TRPM3: variants seen among roughly 807,000 people sequenced by gnomAD.
TRPM3 encodes transient receptor potential cation channel subfamily M member 3, also known as long transient receptor potential channel 3.
A neutral mutation model predicts 181.2 loss-of-function variants in TRPM3; 77 were observed. The observed-to-expected ratio is 0.42, with a 90% CI of 0.35 to 0.51. The LOEUF is 0.51. Among genes scored for constraint, TRPM3 ranks in the 20% least tolerant of loss-of-function variants. The probability of loss-of-function intolerance (pLI) is 0.01; values close to 1 mark genes in which losing one functional copy is unlikely to be tolerated. For synonymous variants in TRPM3, 745 were observed against 796.4 expected, an observed-to-expected ratio of 0.94 and a Z score of 1.09; for missense variants, 1,759 against 2,196.7, an observed-to-expected ratio of 0.80 and a Z score of 3.98.
chr9:71,147,434 C>CACACACAT (rs2075479728), intron 1 of TRPM3, among the ~76,000 whole-genome samples: 1 of 151,226 alleles, frequency 6.6e-6, no homozygotes, highest in Non-Finnish European at 1.5e-5. Context: ...GACACACACA[C>CACACACAT]ACACACACAC....
intron 22 of TRPM3, among the ~76,000 whole-genome samples, chr9:70,570,624 A>G (rs1231414536): frequency 6.6e-6 from 1 of 152,130 alleles, no homozygotes; most frequent in Non-Finnish European, 1.5e-5. Context: ...TAGATATTTT[A>G]AAAGTAAATC....
intron 11 of TRPM3, among the ~76,000 whole-genome samples, chr9:70,637,968 G>T (rs182129313): frequency 3.5e-4 from 54 of 152,166 alleles, no homozygotes; most frequent in Non-Finnish European, 4.7e-4. Context: ...TAATGAACCT[G>T]CACGTTCTGC....
intron 1 of TRPM3, among the ~76,000 whole-genome samples, chr9:71,349,019 T>C (rs1433947922): frequency 2.0e-5 from 3 of 152,196 alleles, no homozygotes; most frequent in African/African-American, 7.2e-5. Context: ...AAACATGCTG[T>C]GCTTTAAATT....
At chr9:70,951,519 T>G (rs1292075586) in intron 1 of TRPM3, among the ~76,000 whole-genome samples, 2 of 152,134 alleles carry the variant, frequency 1.3e-5, no homozygotes, top group East Asian at 3.9e-4. Flanking sequence ...TTTTTGTATT[T>G]TTAGTAGAGA....
intron 1 of TRPM3, among the ~76,000 whole-genome samples, chr9:71,110,708 A>C (rs1188780315): frequency 4.6e-5 from 7 of 152,236 alleles, no homozygotes; most frequent in Non-Finnish European, 1.0e-4. Context: ...TAGGTAACTC[A>C]GCTAGGATAT....
At chr9:71,198,352 C>T (rs1316389486) in intron 1 of TRPM3, among the ~76,000 whole-genome samples, 15 of 151,974 alleles carry the variant, frequency 9.9e-5, no homozygotes, top group Admixed American at 5.3e-4. Flanking sequence ...CTTGGTGATG[C>T]GGGCTCTTTT....
chr9:71,292,167 T>C (rs2085868768), intron 1 of TRPM3, among the ~76,000 whole-genome samples: 1 of 152,028 alleles, frequency 6.6e-6, no homozygotes, highest in African/African-American at 2.4e-5. Flanking sequence ...CGAATGCTGA[T>C]GAACACACAG....
intron 1 of TRPM3, among the ~76,000 whole-genome samples, chr9:71,043,037 A>G (rs1353204739): frequency 6.6e-6 from 1 of 152,248 alleles, no homozygotes; most frequent in Non-Finnish European, 1.5e-5. Context: ...GAAAGCAGTC[A>G]CACTATTTCT....
chr9:71,189,662 A>T (rs1015067490), intron 1 of TRPM3, among the ~76,000 whole-genome samples: 2 of 151,614 alleles, frequency 1.3e-5, no homozygotes, highest in African/African-American at 2.4e-5. Context: ...TCCCCACACA[A>T]CCACTCACTT....
chr9:71,391,583 A>T (rs2093064646), intron 1 of TRPM3, among the ~76,000 whole-genome samples: 1 of 152,096 alleles, frequency 6.6e-6, no homozygotes. Flanking sequence ...AAATGTTTCC[A>T]TATGAAAGAT....
chr9:71,195,615 C>G (rs530190238), intron 1 of TRPM3, among the ~76,000 whole-genome samples: 19 of 152,096 alleles, frequency 1.2e-4, no homozygotes, highest in African/African-American at 4.6e-4. Context: ...GGGTATGTAT[C>G]CAAAGGAATA....
At chr9:70,604,117 A>G (rs1160952155) in intron 19 of TRPM3, among the ~76,000 whole-genome samples, 1 of 152,228 alleles carries the variant, frequency 6.6e-6, no homozygotes, top group African/African-American at 2.4e-5. Flanking sequence ...GTTTACAGAA[A>G]GGAAAGGGTC....
chr9:71,196,402 T>C (rs1260262256), intron 1 of TRPM3, among the ~76,000 whole-genome samples: 1 of 152,022 alleles, frequency 6.6e-6, no homozygotes, highest in East Asian at 1.9e-4. Flanking sequence ...CTTCCCTTCA[T>C]CCCATTTTTT....
At chr9:71,095,873 T>C (rs939319629) in intron 1 of TRPM3, among the ~76,000 whole-genome samples, 1 of 152,040 alleles carries the variant, frequency 6.6e-6, no homozygotes, top group Non-Finnish European at 1.5e-5. Context: ...GATTTATCCC[T>C]TCTTCACCCA....
intron 1 of TRPM3, among the ~76,000 whole-genome samples, chr9:71,289,379 C>G (rs1428367824): frequency 6.6e-6 from 1 of 151,986 alleles, no homozygotes; most frequent in Non-Finnish European, 1.5e-5. Flanking sequence ...AAATCAGAAC[C>G]TCCATAAATG....
chr9:71,100,896 C>T (rs941345559), intron 1 of TRPM3, among the ~76,000 whole-genome samples: 8 of 152,062 alleles, frequency 5.3e-5, no homozygotes, highest in African/African-American at 7.2e-5. Flanking sequence ...ACAAATGCAC[C>T]GTGGATCTCA....
intron 1 of TRPM3, among the ~76,000 whole-genome samples, chr9:71,030,396 C>T (rs2057134374): frequency 6.6e-6 from 1 of 152,024 alleles, no homozygotes; most frequent in African/African-American, 2.4e-5. Context: ...GAAACCCCAT[C>T]TCTACTGAAA....
rs2041057001 is a variant in TRPM3 at position 70,532,702 on chromosome 9, A to G, written c.*3251T>C. 1 of 152,356 alleles carries G rather than the reference A, an allele frequency of 6.6e-6. No individual in the cohort carries two copies. The highest frequency in any genetic ancestry group is 6.5e-5 in the Admixed American group (1 of 15,306). 9.4% of individuals were successfully genotyped at this position (152,356 alleles called of 1,614,324 possible). On this transcript the variant is annotated 3_prime_UTR_variant, in exon 26 of 26. Transcript: ENST00000677713. ...TCATTACATATAGTAGTATGTAAAA[A>G]TTGGCACCTTTGAAGCAGATGATTA...
rs879770953 is a variant in TRPM3 at position 71,048,480 on chromosome 9, G to A, written c.177+72698C>T. 7.2e-5 allele frequency among the ~76,000 whole-genome samples: 11 copies of A among 152,136 alleles called. No homozygotes were observed. In the East Asian group the frequency reaches 7.7e-4, roughly 11 times the overall value. On this transcript the variant is annotated intron_variant, in intron 1 of 25. Transcript: ENST00000677713. The stretch of plus-strand genomic sequence containing the variant: ...TGGACATGCATGAATAGTCCAATCC[G>A]TCTTCCCCAAGCAAGCGTGCTGGGT...
Sources: gnomAD v4.1 joint callset for allele counts (sites outside exome capture counted in the v4.1 genomes callset) on GRCh38, gnomAD v4.1.1 for gene constraint, MANE v1.5 for transcripts, NCBI Gene and HGNC (gene_info 2026-07-23, HGNC 2026-07-21) for gene names.